Variants in TRHDE observed in about 807,000 individuals in gnomAD.
The protein encoded by TRHDE is thyrotropin-releasing hormone-degrading ectoenzyme.
TRHDE carries 72 observed loss-of-function variants against 125.7 expected under a neutral mutation model. The observed-to-expected ratio is 0.57, with a 90% CI of 0.47 to 0.70. The LOEUF (loss-of-function observed/expected upper bound fraction) is 0.70, where lower values mean the gene tolerates loss of function less well. TRHDE is among the 30% of genes least tolerant of loss of function. The pLI is 0.00. For missense variants in TRHDE, 1,110 were observed against 1,327.1 expected (o/e 0.84, Z 2.54); for synonymous variants, 509 against 509.1 (o/e 1.00, Z 0.00).
intron 3 of TRHDE, among the ~76,000 whole-genome samples, chr12:72,453,240 T>C (rs1875668037): frequency 6.6e-6 from 1 of 152,190 alleles, no homozygotes; most frequent in Admixed American, 6.5e-5. Flanking sequence ...GACAGATTTA[T>C]TGGGAGCTGG....
chr12:72,311,100 C>T (rs577813077), intron 2 of TRHDE, among the ~76,000 whole-genome samples: 1 of 152,224 alleles, frequency 6.6e-6, no homozygotes, highest in East Asian at 1.9e-4. Flanking sequence ...TCATTAACCA[C>T]CACCACAATC....
intron 2 of TRHDE, among the ~76,000 whole-genome samples, chr12:72,125,023 CAG>C (rs1875680806): frequency 6.6e-6 from 1 of 152,120 alleles, no homozygotes; most frequent in African/African-American, 2.4e-5. Context: ...AAATCCTCCT[CAG>C]ATATGATATA....
chr12:72,667,438 T>A lies in TRHDE; in HGVS notation c.*4243T>A, dbSNP rs2136121729. On this transcript the variant is annotated 3_prime_UTR_variant, in exon 19 of 19. Transcript: ENST00000261180. ...ATATATATTGTATAGATACAATATA[T>A]AACTATACTTAAAGAAATATTTATT... 6.6e-6 allele frequency: 1 copy of A among 151,762 alleles called. No individual in the cohort carries two copies. The highest frequency in any genetic ancestry group is 2.4e-5 in the African/African-American group (1 of 41,512). The allele number at this position is 151,762 out of a possible 1,614,324, so 9.4% of individuals were successfully genotyped here.
At chr12:72,648,756 G>A (rs1173507660) in intron 15 of TRHDE, among the ~76,000 whole-genome samples, 1 of 151,350 alleles carries the variant, frequency 6.6e-6, no homozygotes, top group Non-Finnish European at 1.5e-5. Flanking sequence ...AGACCAACCT[G>A]GGAAACATAG....
intron 18 of TRHDE, among the ~76,000 whole-genome samples, chr12:72,658,679 A>G (rs1192916820): frequency 1.3e-5 from 2 of 152,166 alleles, no homozygotes; most frequent in African/African-American, 4.8e-5. Flanking sequence ...ACTTTATTTA[A>G]TTGCCATTTT....
At chr12:72,102,560 CT>C (rs1160032220) in intron 1 of TRHDE, among the ~76,000 whole-genome samples, 1 of 152,166 alleles carries the variant, frequency 6.6e-6, no homozygotes, top group Non-Finnish European at 1.5e-5. Context: ...CAATCTTATA[CT>C]TTAACTAGTT....
intron 3 of TRHDE, among the ~76,000 whole-genome samples, chr12:72,398,481 A>T (rs1229457194): frequency 6.6e-6 from 1 of 152,120 alleles, no homozygotes; most frequent in Non-Finnish European, 1.5e-5. Context: ...AGCAGTGTCT[A>T]TTTATTCAAT....
At chr12:72,514,400 T>C (rs1024850319) in intron 6 of TRHDE, among the ~76,000 whole-genome samples, 2 of 151,026 alleles carry the variant, frequency 1.3e-5, no homozygotes, top group Non-Finnish European at 2.9e-5. Context: ...TAAGCAGACA[T>C]AAAGAACAGT....
In TRHDE at chr12:72,407,643, T is replaced by A. The variant is rs1266940512; in HGVS notation, c.1315+29522T>A. On this transcript the variant is annotated intron_variant, in intron 3 of 18. Coordinates refer to ENST00000261180, the MANE Select transcript of TRHDE (RefSeq NM_013381.3). ...AGTAAAGATCTACCAAGTTAAACTA[T>A]AAATAAAAACTGGAATCAGAACATA... Among the ~76,000 whole-genome samples, 6 of 152,200 alleles carry A rather than the reference T, an allele frequency of 3.9e-5. 1 individual carries two copies. In the South Asian group the frequency reaches 8.3e-4, roughly 21 times the overall value.
At chr12:72,338,277 A>G (rs747334989) in intron 2 of TRHDE, among the ~76,000 whole-genome samples, 1 of 152,152 alleles carries the variant, frequency 6.6e-6, no homozygotes, top group Non-Finnish European at 1.5e-5. Context: ...GACGGTAGTG[A>G]TGATTGTTTT....
At chr12:72,629,866 A>G (rs1354846618) in intron 15 of TRHDE, among the ~76,000 whole-genome samples, 2 of 151,540 alleles carry the variant, frequency 1.3e-5, no homozygotes, top group African/African-American at 4.8e-5. Flanking sequence ...CCTTGTGATT[A>G]AGGCTTAAGA....
intron 12 of TRHDE, among the ~76,000 whole-genome samples, chr12:72,616,835 G>A (rs1872835335): frequency 6.6e-6 from 1 of 151,746 alleles, no homozygotes; most frequent in Non-Finnish European, 1.5e-5. Flanking sequence ...ACAATTTGTG[G>A]CATGTATAAA....
chr12:72,229,418 C>T (rs1565667930), intron 2 of TRHDE, among the ~76,000 whole-genome samples: 1 of 152,148 alleles, frequency 6.6e-6, no homozygotes, highest in Non-Finnish European at 1.5e-5. Context: ...ATTCAATTAC[C>T]TCCTACAAGG....
At chr12:72,409,366 A>G (rs1873399304) in intron 3 of TRHDE, among the ~76,000 whole-genome samples, 1 of 152,226 alleles carries the variant, frequency 6.6e-6, no homozygotes, top group African/African-American at 2.4e-5. Context: ...TATCTAATAG[A>G]AATAGAAACA....
chr12:72,251,694 G>T (rs1021875325), intron 2 of TRHDE, among the ~76,000 whole-genome samples: 5 of 152,050 alleles, frequency 3.3e-5, no homozygotes, highest in African/African-American at 1.2e-4. Context: ...GAGTAGAACT[G>T]CTGGGATGTA....
At chr12:72,523,048 C>A (rs1868274202) in intron 6 of TRHDE, among the ~76,000 whole-genome samples, 1 of 151,946 alleles carries the variant, frequency 6.6e-6, no homozygotes, top group Non-Finnish European at 1.5e-5. Flanking sequence ...TTTTTTATCA[C>A]CTTATTTTAA....
At chr12:72,288,496 A>G (rs1254613321) in intron 2 of TRHDE, among the ~76,000 whole-genome samples, 2 of 152,128 alleles carry the variant, frequency 1.3e-5, no homozygotes, top group African/African-American at 4.8e-5. Context: ...ATCATTTGAT[A>G]TGTTGAATTT....
chr12:72,594,862 C>G (rs1168147859), intron 12 of TRHDE, among the ~76,000 whole-genome samples: 2 of 151,642 alleles, frequency 1.3e-5, no homozygotes. Context: ...TGGAACCAAC[C>G]CAAATGTCCA....
At chr12:72,492,681 C>T (rs1345290470) in intron 5 of TRHDE, among the ~76,000 whole-genome samples, 1 of 151,760 alleles carries the variant, frequency 6.6e-6, no homozygotes, top group African/African-American at 2.4e-5. Context: ...TGTGTTTATC[C>T]TTCATTCTAG....
Sources: gnomAD v4.1 joint callset for allele counts (sites outside exome capture counted in the v4.1 genomes callset) on GRCh38, gnomAD v4.1.1 for gene constraint, MANE v1.5 for transcripts, NCBI Gene and HGNC (gene_info 2026-07-23, HGNC 2026-07-21) for gene names.